Variants in CHST8 observed in about 807,000 individuals in gnomAD.
CHST8 encodes the protein GALNAC-4-ST1.
A neutral mutation model predicts 15.0 loss-of-function variants in CHST8; 10 were observed. That is an observed-to-expected ratio of 0.67 (90% CI 0.41 to 1.13). The LOEUF (loss-of-function observed/expected upper bound fraction) is 1.13. Ranked by LOEUF, CHST8 falls within the 50% of genes most tolerant of loss-of-function variation. The pLI, the probability that CHST8 is intolerant of heterozygous loss-of-function variation, is 0.00. For missense variants in CHST8, 634 were observed against 608.2 expected (o/e 1.04, Z -0.45); for synonymous variants, 259 against 256.6 (o/e 1.01, Z -0.09).
chr19:33,728,850 G>C (rs1235609770), intron 3 of CHST8, among the ~76,000 whole-genome samples: 2 of 152,198 alleles, frequency 1.3e-5, no homozygotes, highest in African/African-American at 4.8e-5. Context: ...TGCAACACAA[G>C]GCAAGCTTGC....
At chr19:33,636,108 A>C (rs1600228023) in intron 1 of CHST8, among the ~76,000 whole-genome samples, 1 of 148,010 alleles carries the variant, frequency 6.8e-6, no homozygotes, top group Non-Finnish European at 1.5e-5. Context: ...AAAAAAAAAA[A>C]CCTCTTGACG....
At position 33,722,106 on chromosome 19, in the gene CHST8, T is replaced by C. The variant is rs1229445834; in HGVS notation, c.130+32715T>C. 7.1e-5 allele frequency among the ~76,000 whole-genome samples: 6 copies of C among 84,112 alleles called. No individual in the cohort carries two copies. In the South Asian group the frequency reaches 1.3e-3, roughly 18 times the overall value. The allele number at this position is 84,112 out of a possible 152,430, so 55.2% of individuals were successfully genotyped here. On this transcript the variant is annotated intron_variant, in intron 3 of 4. Transcript: ENST00000650847. The stretch of plus-strand genomic sequence containing the variant: ...ATGGATGGATGGATGGATGGATGGA[T>C]GGATGAAGGGATGGATGGATAGATG...
intron 3 of CHST8, among the ~76,000 whole-genome samples, chr19:33,731,576 C>T (rs533031059): frequency 1.3e-5 from 2 of 152,310 alleles, no homozygotes; most frequent in Admixed American, 1.3e-4. Context: ...TCTTTGTGAC[C>T]TGTATCTTGT....
At chr19:33,707,992 A>G (rs1046708212) in intron 3 of CHST8, among the ~76,000 whole-genome samples, 1 of 152,156 alleles carries the variant, frequency 6.6e-6, no homozygotes, top group Non-Finnish European at 1.5e-5. Flanking sequence ...TTTAATTTGC[A>G]TCTCTCTAAT....
At chr19:33,664,042 T>A (rs1055043564) in intron 1 of CHST8, among the ~76,000 whole-genome samples, 2 of 152,184 alleles carry the variant, frequency 1.3e-5, no homozygotes, top group African/African-American at 4.8e-5. Flanking sequence ...ATGTCCTCTA[T>A]TTACATATTT....
At chr19:33,703,406 G>T (rs1188224222) in intron 3 of CHST8, among the ~76,000 whole-genome samples, 1 of 152,248 alleles carries the variant, frequency 6.6e-6, no homozygotes, top group East Asian at 1.9e-4. Flanking sequence ...CAGGGCTGTT[G>T]CTACGATTGC....
chr19:33,687,917 T>C (rs1005707631), intron 2 of CHST8, among the ~76,000 whole-genome samples: 8 of 152,170 alleles, frequency 5.3e-5, no homozygotes, highest in African/African-American at 1.9e-4. Context: ...ACCTGGGGCT[T>C]AAACAGCCAC....
At chr19:33,623,430 G>C (rs1179224774) in intron 1 of CHST8, among the ~76,000 whole-genome samples, 1 of 152,230 alleles carries the variant, frequency 6.6e-6, no homozygotes, top group Non-Finnish European at 1.5e-5. Context: ...CGCAGCAGCA[G>C]AGCACGTGGG....
chr19:33,706,469 CTTCACCCT>C (rs1165437851), intron 3 of CHST8, among the ~76,000 whole-genome samples: 1 of 152,162 alleles, frequency 6.6e-6, no homozygotes, highest in Non-Finnish European at 1.5e-5. Context: ...GTGGAAAGCA[CTTCACCCT>C]GAAGTCTGGG....
At chr19:33,649,052 C>T (rs531263962) in intron 1 of CHST8, among the ~76,000 whole-genome samples, 7 of 151,720 alleles carry the variant, frequency 4.6e-5, no homozygotes, top group South Asian at 2.1e-4. Context: ...TACAGGCGCC[C>T]GCAACTAAGC....
At chr19:33,654,764 G>A (rs903839162) in intron 1 of CHST8, among the ~76,000 whole-genome samples, 1 of 152,034 alleles carries the variant, frequency 6.6e-6, no homozygotes, top group Non-Finnish European at 1.5e-5. Context: ...TAGAGCCCTA[G>A]CTTTGTGCAG....
At chr19:33,663,018 A>C (rs1455205932) in intron 1 of CHST8, among the ~76,000 whole-genome samples, 1 of 152,170 alleles carries the variant, frequency 6.6e-6, no homozygotes, top group Non-Finnish European at 1.5e-5. Flanking sequence ...TCAGGGTCAC[A>C]CAAAGACCCC....
At chr19:33,758,924 G>GT (rs1473307519) in intron 3 of CHST8, among the ~76,000 whole-genome samples, 2 of 151,986 alleles carry the variant, frequency 1.3e-5, no homozygotes, top group African/African-American at 4.8e-5. Flanking sequence ...TTTCTTGGCG[G>GT]GGGGGGGCGG....
At position 33,772,313 on chromosome 19, in the gene CHST8, C is replaced by T. The variant is rs188441275; in HGVS notation, c.525C>T (p.Ala175=). The T allele has an allele frequency of 5.6e-6, 9 of 1,604,154 alleles. No individual in the cohort carries two copies. The highest frequency in any genetic ancestry group is 1.3e-5 in the African/African-American group (1 of 75,036). The change falls in exon 5 of 5, where the codon GCC becomes GCT. Residue 175 remains alanine (A), a synonymous_variant. Transcript: ENST00000650847. ...AKYRASSSRR[A]VTPRHVSRIF... ...ACCGGGCGAGCAGCAGCCGCCGGGC[C>T]GTCACGCCCCGCCACGTGTCCCGTA...
chr19:33,767,865 G>T (rs1202951958), intron 3 of CHST8, among the ~76,000 whole-genome samples: 1 of 152,170 alleles, frequency 6.6e-6, no homozygotes, highest in African/African-American at 2.4e-5. Context: ...GCTCTGCAAG[G>T]CCACTGATGT....
intron 3 of CHST8, among the ~76,000 whole-genome samples, chr19:33,764,360 C>T (rs1011400249): frequency 6.6e-6 from 1 of 152,138 alleles, no homozygotes; most frequent in African/African-American, 2.4e-5. Context: ...TCCAGCTGGG[C>T]GTGGTGGCTC....
intron 1 of CHST8, among the ~76,000 whole-genome samples, chr19:33,630,967 G>A (rs553472270): frequency 6.6e-6 from 1 of 152,290 alleles, no homozygotes; most frequent in African/African-American, 2.4e-5. Context: ...CCCCTCAGAT[G>A]TTGGCCACGT....
intron 3 of CHST8, among the ~76,000 whole-genome samples, chr19:33,752,577 G>A (rs746369755): frequency 9.2e-5 from 14 of 152,142 alleles, no homozygotes; most frequent in African/African-American, 3.1e-4. Flanking sequence ...GCAGTTCCCC[G>A]GGGAGTCGCA....
At chr19:33,682,763 T>A (rs1972911962) in intron 2 of CHST8, among the ~76,000 whole-genome samples, 1 of 152,260 alleles carries the variant, frequency 6.6e-6, no homozygotes, top group African/African-American at 2.4e-5. Flanking sequence ...ATGCAAGCTG[T>A]AATTTTTTGG....
Sources: allele counts gnomAD v4.1 joint callset (sites outside exome capture counted in the v4.1 genomes callset), GRCh38; gene constraint gnomAD v4.1.1; transcripts MANE v1.5; gene names NCBI Gene and HGNC (gene_info 2026-07-23, HGNC 2026-07-21).